The following UHRF2 variants were observed in gnomAD, a reference collection of about 807,000 sequenced individuals.
The protein encoded by UHRF2 is E3 ubiquitin-protein ligase UHRF2.
A neutral mutation model predicts 96.8 loss-of-function variants in UHRF2; 23 were observed. The ratio of observed to expected loss-of-function variants is 0.24; its 90% confidence interval spans 0.17 to 0.34. UHRF2 has a LOEUF of 0.34. UHRF2 is among the 10% of genes least tolerant of loss of function. UHRF2 has a pLI of 1.00. For synonymous variants in UHRF2, 385 were observed against 332.6 expected, an observed-to-expected ratio of 1.16 and a Z score of -1.72; for missense variants, 685 against 981.5, an observed-to-expected ratio of 0.70 and a Z score of 4.04.
intron 2 of UHRF2, among the ~76,000 whole-genome samples, chr9:6,425,919 C>G (rs957831807): frequency 6.6e-6 from 1 of 152,104 alleles, no homozygotes; most frequent in African/African-American, 2.4e-5. Context: ...ATTTATGTAA[C>G]TATCTGTATA....
intron 2 of UHRF2, among the ~76,000 whole-genome samples, chr9:6,427,723 A>G (rs1820338810): frequency 6.6e-6 from 1 of 152,166 alleles, no homozygotes; most frequent in Non-Finnish European, 1.5e-5. Context: ...TTTATTGCTC[A>G]ATATCATTAT....
intron 3 of UHRF2, among the ~76,000 whole-genome samples, chr9:6,437,531 C>T (rs1280499498): frequency 6.6e-6 from 1 of 152,172 alleles, no homozygotes; most frequent in Admixed American, 6.5e-5. Context: ...CTGCACCTGG[C>T]CAGATTTTTT....
Position 6,460,633 on chromosome 9 carries a change from C to T in UHRF2, c.705C>T (p.Thr235=). ...AGGATCTTAGACCACGAGCTAGAAC[C>T]ATTTTGAAATGGAATGAACTAAATG... ...NVKDLRPRAR[T]ILKWNELNVG... Residue 235 remains threonine (T), a synonymous_variant, in exon 4 of 16, where the codon ACC becomes ACT. Coordinates refer to ENST00000276893, the MANE Select transcript of UHRF2 (RefSeq NM_152896.3). 3 of 1,613,022 alleles carry T rather than the reference C, an allele frequency of 1.9e-6. No individual in the cohort carries two copies. Among genetic ancestry groups the T allele is most frequent in the East Asian group, 2.2e-5 (1 of 44,848 alleles).
rs769247326 is a variant in UHRF2, at chr9:6,493,912, A to G, written c.1584A>G (p.Gln528=). The G allele has an allele frequency of 1.9e-6, 3 of 1,613,780 alleles. No homozygotes were observed. The highest frequency in any genetic ancestry group is 2.2e-5 in the East Asian group (1 of 44,850). Residue 528 remains glutamine (Q), a synonymous_variant, in exon 10 of 16, where the codon CAA becomes CAG. Coordinates refer to ENST00000276893, the MANE Select transcript of UHRF2 (RefSeq NM_152896.3). ...GAATTGGTGCACCTTCAGCTGATCA[A>G]ACATTAACAAACATGAACAGGTACT... ...NKRIGAPSAD[Q]TLTNMNRALA...
chr9:6,498,177 A>G lies in UHRF2; in HGVS notation c.1908+19A>G. ...TTTACAGGTTAGATTACATTTGTCT[A>G]GGCTGCCTGTGTGTTCATAAAAATA... On this transcript the variant is annotated intron_variant, in intron 12 of 15. Coordinates refer to ENST00000276893, the MANE Select transcript of UHRF2 (RefSeq NM_152896.3). 1 of 1,610,406 alleles carries G rather than the reference A, an allele frequency of 6.2e-7. No individual in the cohort carries two copies. The highest frequency in any genetic ancestry group is 8.5e-7 in the Non-Finnish European group (1 of 1,178,584).
chr9:6,502,600 A>G (rs1230167821), intron 14 of UHRF2, among the ~76,000 whole-genome samples: 4 of 152,176 alleles, frequency 2.6e-5, no homozygotes, highest in Non-Finnish European at 5.9e-5. Flanking sequence ...ATCAGTTATT[A>G]CTATCTGAAA....
chr9:6,495,883 G>A (rs951388311), intron 10 of UHRF2: 1 of 152,022 alleles, frequency 6.6e-6, no homozygotes, highest in African/African-American at 2.4e-5. Context: ...AGCTCTTTAA[G>A]ATAAAATAGG....
chr9:6,506,300 C>T lies in UHRF2; in HGVS notation c.*121C>T, dbSNP rs898151231. On this transcript the variant is annotated 3_prime_UTR_variant, in exon 16 of 16. Transcript: ENST00000276893. ...CTCACGTTCTGAAGCAGCTAATCCT[C>T]TTTCCCACATAGCCATCATCTTGTG... 25 of 1,283,166 alleles carry T rather than the reference C, an allele frequency of 1.9e-5. No individual in the cohort carries two copies. The highest frequency in any genetic ancestry group is 2.6e-5 in the Non-Finnish European group (24 of 935,998). The allele number at this position is 1,283,166 out of a possible 1,614,324, so 79.5% of individuals were successfully genotyped here.
intron 4 of UHRF2, among the ~76,000 whole-genome samples, chr9:6,463,724 G>T (rs1007151573): frequency 6.6e-6 from 1 of 152,114 alleles, no homozygotes; most frequent in Non-Finnish European, 1.5e-5. Context: ...GCCTGCCTCA[G>T]TCTCCCAAAG....
intron 10 of UHRF2, 95 bp downstream of exon 10, chr9:6,494,027 A>C (rs973375305): frequency 4.7e-6 from 5 of 1,057,058 alleles, no homozygotes; most frequent in East Asian, 2.7e-5. Context: ...GAGAATTTCA[A>C]ACTGGGAGTT....
chr9:6,496,203 A>G (rs1824956261), intron 10 of UHRF2: 1 of 152,092 alleles, frequency 6.6e-6, no homozygotes, highest in African/African-American at 2.4e-5. Context: ...CTGAAGAAGT[A>G]TTTTATGTCA....
chr9:6,437,863 T>G (rs1820942667), intron 3 of UHRF2, among the ~76,000 whole-genome samples: 1 of 151,996 alleles, frequency 6.6e-6, no homozygotes, highest in Admixed American at 6.6e-5. Flanking sequence ...AACACCCACC[T>G]TAGCCTCCCA....
chr9:6,452,151 A>C (rs2130821977), intron 3 of UHRF2, among the ~76,000 whole-genome samples: 1 of 152,020 alleles, frequency 6.6e-6, no homozygotes, highest in South Asian at 2.1e-4. Flanking sequence ...TTTTTATAGG[A>C]GCACAATATT....
chr9:6,444,790 A>G (rs1313555675), intron 3 of UHRF2, among the ~76,000 whole-genome samples: 3 of 152,050 alleles, frequency 2.0e-5, no homozygotes, highest in African/African-American at 7.2e-5. Flanking sequence ...TTTAGTAGAG[A>G]CAGGGTTTCA....
chr9:6,436,396 G>A (rs1386979690), intron 3 of UHRF2, among the ~76,000 whole-genome samples: 3 of 152,154 alleles, frequency 2.0e-5, no homozygotes, highest in South Asian at 2.1e-4. Context: ...GGTAGAAAGG[G>A]GTTGAAGTTG....
chr9:6,485,040 G>T (rs891297363), intron 8 of UHRF2, among the ~76,000 whole-genome samples: 2 of 151,894 alleles, frequency 1.3e-5, no homozygotes, highest in Non-Finnish European at 2.9e-5. Flanking sequence ...TGATCCACCC[G>T]CCTTGGCCTC....
chr9:6,435,065 G>A (rs1045788626), intron 3 of UHRF2, among the ~76,000 whole-genome samples: 3 of 151,282 alleles, frequency 2.0e-5, no homozygotes, highest in Admixed American at 6.6e-5. Flanking sequence ...TGGGAGTACA[G>A]TGATGCAACC....
At chr9:6,470,720 G>C (rs992841512) in intron 4 of UHRF2, among the ~76,000 whole-genome samples, 1 of 152,194 alleles carries the variant, frequency 6.6e-6, no homozygotes, top group African/African-American at 2.4e-5. Flanking sequence ...TGGGGAAGTA[G>C]TGAAAGTAAA....
chr9:6,486,039 G>A (rs1824271459), intron 8 of UHRF2, among the ~76,000 whole-genome samples: 2 of 152,102 alleles, frequency 1.3e-5, no homozygotes, highest in South Asian at 2.1e-4. Context: ...TGAAGGAGAA[G>A]CTGCACATAA....
Sources: allele counts gnomAD v4.1 joint callset (sites outside exome capture counted in the v4.1 genomes callset), GRCh38; gene constraint gnomAD v4.1.1; transcripts MANE v1.5; gene names NCBI Gene and HGNC (gene_info 2026-07-23, HGNC 2026-07-21).